The following RIOX2 variants were observed in gnomAD, a reference collection of about 807,000 sequenced individuals.
RIOX2 encodes the protein 60S ribosomal protein L27a histidine hydroxylase.
Under a neutral mutation model 51.2 loss-of-function variants are expected in RIOX2, and 43 were observed. The observed-to-expected ratio is 0.84, with a 90% CI of 0.66 to 1.08. The LOEUF is 1.08. RIOX2 is among the 50% of genes least tolerant of loss of function. The pLI is 0.00. For synonymous variants in RIOX2, 226 were observed against 218.5 expected (o/e 1.03, Z -0.30); for missense variants, 566 against 561.7 (o/e 1.01, Z -0.08).
intron 5 of RIOX2, among the ~76,000 whole-genome samples, chr3:97,952,987 A>G (rs1336107183): frequency 6.6e-6 from 1 of 152,146 alleles, no homozygotes. Context: ...ATTCACACTG[A>G]AAAGTCTGAT....
intron 9 of RIOX2, 150 bp downstream of exon 9, chr3:97,945,648 T>A: frequency 1.5e-6 from 1 of 649,948 alleles, no homozygotes; most frequent in Non-Finnish European, 2.7e-6. Flanking sequence ...GACTTAATCA[T>A]CCCCATGCAG....
chr3:97,967,134 A>C (rs1189161100), intron 2 of RIOX2, 28 bp downstream of exon 2: 1 of 1,595,830 alleles, frequency 6.3e-7, no homozygotes, highest in Non-Finnish European at 8.5e-7. Flanking sequence ...AAAATGTATG[A>C]GGATTCTGCA....
intron 4 of RIOX2, among the ~76,000 whole-genome samples, chr3:97,955,131 A>T (rs1024616908): frequency 6.6e-6 from 1 of 152,078 alleles, no homozygotes; most frequent in Admixed American, 6.6e-5. Flanking sequence ...GTATCTTACC[A>T]TCTTGTCTTT....
At position 97,961,610 on chromosome 3, in the gene RIOX2, C is replaced by T. The variant is rs761343426; in HGVS notation, c.531G>A (p.Pro177=). Residue 177 remains proline, a synonymous_variant, in exon 3 of 10, where the codon CCG becomes CCA. Coordinates refer to ENST00000394198, the MANE Select transcript of RIOX2 (RefSeq NM_153182.4). ...YITPAGSQGL[P]PHYDDVEVFI... ...TTACCTCGACATCATCATAATGGGG[C>T]GGCAGGCCCTGAGATCCTGCGGGAG... is the stretch of plus-strand genomic sequence containing the variant. The T allele has an allele frequency of 8.6e-5, 138 of 1,604,358 alleles. No homozygotes were observed. Among genetic ancestry groups the T allele is most frequent in the Non-Finnish European group, 1.0e-4 (121 of 1,177,628 alleles).
At position 97,941,872 on chromosome 3, in the gene RIOX2, G is replaced by T. The variant is rs2040237929; in HGVS notation, c.*3312C>A. On this transcript the variant is annotated 3_prime_UTR_variant, in exon 10 of 10. Coordinates refer to ENST00000394198, the MANE Select transcript of RIOX2 (RefSeq NM_153182.4). ...CAATGGATTATCTACTTTTTCTCAT[G>T]CTTCAAAAATGAAAAACTTTTAAAA... is the stretch of plus-strand genomic sequence containing the variant. 1 of 154,284 alleles carries T rather than the reference G, an allele frequency of 6.5e-6. No individual in the cohort carries two copies. The highest frequency in any genetic ancestry group is 2.4e-5 in the African/African-American group (1 of 41,468). 9.6% of individuals were successfully genotyped at this position (154,284 alleles called of 1,614,324 possible). A position where few individuals can be genotyped will look rare whatever the true frequency, so the allele number is the denominator to read the frequency against.
In RIOX2 at chr3:97,949,856, G is replaced by A. The variant is rs1289590922; in HGVS notation, c.1048C>T (p.Leu350=). 5.0e-6 allele frequency: 8 copies of A among 1,613,442 alleles called. No individual in the cohort carries two copies. Among genetic ancestry groups the A allele is most frequent in the South Asian group, 3.3e-5 (3 of 91,008 alleles). The change falls in exon 7 of 10, where the codon CTG becomes TTG. Residue 350 remains leucine, a synonymous_variant. Coordinates refer to ENST00000394198, the MANE Select transcript of RIOX2 (RefSeq NM_153182.4). ...CAGCAAGCTCCACCTGGTGTTGACA[G>A]CTCTGCCCCATCTCCCGCAGAGTAA... ...PPYSAGDGAE[L]STPGGKLPRL...
intron 8 of RIOX2, among the ~76,000 whole-genome samples, chr3:97,946,504 G>A (rs1030852454): frequency 2.7e-5 from 4 of 149,594 alleles, no homozygotes; most frequent in Admixed American, 6.7e-5. Context: ...TTAGCCTAGC[G>A]TACAATGTCT....
chr3:97,954,413 G>A lies in RIOX2; in HGVS notation c.764C>T (p.Thr255Ile). Residue 255 changes from threonine to isoleucine, a missense_variant, in exon 5 of 10, where the codon ACC becomes ATC. By Grantham distance (89) the Thr-to-Ile change is moderately conservative. Transcript: ENST00000394198. Reference sequence around the variant, plus strand: ...TTACTTGTTCTGGTAGGTGCTGATGGTCACGTGAGTAGAGTGGGCCAGCCC... The same window carrying A: ...TTACTTGTTCTGGTAGGTGCTGATGATCACGTGAGTAGAGTGGGCCAGCCC... The part of the protein sequence containing the change: ...PAGLAHSTHV[T>I]ISTYQNNSWG... 6.2e-7 allele frequency: 1 copy of A among 1,613,710 alleles called. No individual in the cohort carries two copies. Among genetic ancestry groups the A allele is most frequent in the South Asian group, 1.1e-5 (1 of 91,066 alleles).
intron 4 of RIOX2, 42 bp downstream of exon 4, chr3:97,959,009 A>C (rs924709544): frequency 3.2e-6 from 5 of 1,558,728 alleles, no homozygotes; most frequent in Non-Finnish European, 4.3e-6. Context: ...GGGAAACCAC[A>C]ATGGCTCTAA....
chr3:97,945,743 T>C (rs2040339914), intron 9 of RIOX2, 55 bp downstream of exon 9: 2 of 1,341,386 alleles, frequency 1.5e-6, no homozygotes, highest in Non-Finnish European at 2.1e-6. Context: ...TAATCAATTC[T>C]TCCCAACCAC....
At chr3:97,949,159 G>C (rs964537921) in intron 7 of RIOX2, among the ~76,000 whole-genome samples, 13 of 151,972 alleles carry the variant, frequency 8.6e-5, no homozygotes, top group Non-Finnish European at 1.6e-4. Flanking sequence ...GAGGTGTTTG[G>C]GTCACATTGT....
chr3:97,947,261 C>A, intron 8 of RIOX2, 100 bp downstream of exon 8: 1 of 858,304 alleles, frequency 1.2e-6, no homozygotes, highest in Non-Finnish European at 1.9e-6. Context: ...CAGGTGGATT[C>A]CTAAAGAAGG....
chr3:97,972,077 G>C (rs934398401), intron 1 of RIOX2: 1 of 152,168 alleles, frequency 6.6e-6, no homozygotes, highest in Non-Finnish European at 1.5e-5. Flanking sequence ...CCGTGCGCTC[G>C]TCACCGGTGT....
intron 1 of RIOX2, chr3:97,972,027 G>C (rs1201418199): frequency 6.6e-6 from 1 of 152,226 alleles, no homozygotes; most frequent in Non-Finnish European, 1.5e-5. Context: ...ACCACCGGGC[G>C]GAGGCCGGCA....
chr3:97,970,237 C>T (rs1024839286), intron 1 of RIOX2, among the ~76,000 whole-genome samples: 1 of 152,090 alleles, frequency 6.6e-6, no homozygotes, highest in East Asian at 1.9e-4. Flanking sequence ...ACTAACAAAC[C>T]CCAATACTGT....
At chr3:97,961,812 C>A (rs1194110921) in intron 2 of RIOX2, 104 bp from the exon 3 acceptor site, 2 of 1,243,834 alleles carry the variant, frequency 1.6e-6, no homozygotes, top group African/African-American at 1.5e-5. Flanking sequence ...GTCTTTACTG[C>A]ACAACTATTA....
rs560952507 is a variant in RIOX2 at position 97,948,337 on chromosome 3, A to G, written c.1061-888T>C. ...AGAGTTTTATTAAAGTTAGTAAAAAATACTCTTTTCACTCAACCCTGAGAA... is the reference window on the plus strand; with the variant it reads ...AGAGTTTTATTAAAGTTAGTAAAAAGTACTCTTTTCACTCAACCCTGAGAA... On this transcript the variant is annotated intron_variant, in intron 7 of 9. Transcript: ENST00000394198. 3.2e-4 allele frequency among the ~76,000 whole-genome samples: 48 copies of G among 152,290 alleles called. 1 individual carries two copies. Among genetic ancestry groups the G allele is most frequent in the Middle Eastern group, 3.4e-3 (1 of 294 alleles).
rs1360796948 is a variant in RIOX2, at chr3:97,965,840, T to C, written c.432+1322A>G. 3.1e-4 allele frequency among the ~76,000 whole-genome samples: 47 copies of C among 152,214 alleles called. 2 individuals are homozygous for C. Among genetic ancestry groups the C allele is most frequent in the Admixed American group, 3.1e-3 (47 of 15,278 alleles). Reference sequence around the variant, plus strand: ...TTCATTTATGTTTAGAGTTCTCAGGTTTCTAAAAACCACTCTTAAAAGTGC... The same window carrying C: ...TTCATTTATGTTTAGAGTTCTCAGGCTTCTAAAAACCACTCTTAAAAGTGC... On this transcript the variant is annotated intron_variant, in intron 2 of 9. Coordinates refer to ENST00000394198, the MANE Select transcript of RIOX2 (RefSeq NM_153182.4).
At chr3:97,958,095 T>C (rs1447599072) in intron 4 of RIOX2, among the ~76,000 whole-genome samples, 2 of 152,180 alleles carry the variant, frequency 1.3e-5, no homozygotes, top group East Asian at 3.9e-4. Flanking sequence ...TCTCCTGTAA[T>C]ATAGGCACCC....
Sources: gnomAD v4.1 joint callset for allele counts (sites outside exome capture counted in the v4.1 genomes callset) on GRCh38, gnomAD v4.1.1 for gene constraint, MANE v1.5 for transcripts, NCBI Gene and HGNC (gene_info 2026-07-23, HGNC 2026-07-21) for gene names.